Variants in TTC3 observed in about 807,000 individuals in gnomAD.
TTC3 encodes E3 ubiquitin-protein ligase TTC3.
A neutral mutation model predicts 249.6 loss-of-function variants in TTC3; 180 were observed. That is an observed-to-expected ratio of 0.72 (90% CI 0.64 to 0.82). The LOEUF (loss-of-function observed/expected upper bound fraction) is 0.82, where lower values mean the gene tolerates loss of function less well. TTC3 is among the 40% of genes least tolerant of loss of function. The pLI, the probability that TTC3 is intolerant of heterozygous loss-of-function variation, is 0.00. For missense variants in TTC3, 2,061 were observed against 2,398.4 expected, an observed-to-expected ratio of 0.86 and a Z score of 2.94; for synonymous variants, 717 against 805.0, an observed-to-expected ratio of 0.89 and a Z score of 1.85.
In TTC3 at chr21:37,164,137, A is replaced by C. The variant is rs747332826; in HGVS notation, c.3257A>C (p.Gln1086Pro). Residue 1086 changes from glutamine (Q) to proline (P), a missense_variant, in exon 32 of 46, where the codon CAA (glutamine) becomes CCA (proline). Coordinates refer to ENST00000355666, the Ensembl canonical transcript of TTC3. Reference sequence around the variant, plus strand: ...GAAGAATTCGAAGCTCTCTATGACCAACACAGTAACGAATATGTTGTCCGC... The same window carrying C: ...GAAGAATTCGAAGCTCTCTATGACCCACACAGTAACGAATATGTTGTCCGC... The C allele has an allele frequency of 3.7e-5, 59 of 1,613,758 alleles. No homozygotes were observed. The highest frequency in any genetic ancestry group is 4.4e-5 in the Non-Finnish European group (52 of 1,179,968).
exon 46 of TTC3, chr21:37,202,035 C>G (rs1183027153): frequency 6.6e-6 from 1 of 152,496 alleles, no homozygotes; most frequent in Non-Finnish European, 1.5e-5. Context: ...CCTGATATGC[C>G]TATATTTTTC....
intron 37 of TTC3, 135 bp downstream of exon 37, chr21:37,185,909 T>A (rs1403631745): frequency 1.3e-5 from 5 of 383,028 alleles, no homozygotes; most frequent in African/African-American, 2.1e-5. Context: ...TCTTTATTTC[T>A]ATTTCTGTTG....
rs987116063 is a variant in TTC3, at chr21:37,160,813, C to G, written c.3051C>G (p.Thr1017=). The change falls in exon 30 of 46, where the codon ACC becomes ACG. Residue 1017 remains threonine, a synonymous_variant. Transcript: ENST00000355666. ...CCCCCATTTTTTAGTTTAGTTCAAC[C>G]AAGGTGAAAAACAAAAGCAAGAAAA... 9 of 1,612,056 alleles carry G rather than the reference C, an allele frequency of 5.6e-6. No individual in the cohort carries two copies. In the Admixed American group the frequency reaches 1.5e-4, roughly 27 times the overall value.
chr21:37,156,505 C>T (rs1358827788), intron 27 of TTC3, 150 bp from the exon 28 acceptor site: 1 of 921,364 alleles, frequency 1.1e-6, no homozygotes, highest in Admixed American at 3.0e-5. Flanking sequence ...TGCCCAATAG[C>T]TTGAACGAAT....
At chr21:37,167,530 A>T (rs1472869923) in intron 33 of TTC3, 25 bp from the exon 34 acceptor site, 2 of 1,419,724 alleles carry the variant, frequency 1.4e-6, no homozygotes. Context: ...GATAAAGTGA[A>T]TTTTATTTTT....
In TTC3 at chr21:37,152,968, C is replaced by G. The variant is rs145296151; in HGVS notation, c.2431C>G (p.Gln811Glu). 410 of 1,599,508 alleles carry G rather than the reference C, an allele frequency of 2.6e-4. No individual in the cohort carries two copies. Among genetic ancestry groups the G allele is most frequent in the Non-Finnish European group, 3.4e-4 (401 of 1,171,740 alleles). Residue 811 changes from glutamine to glutamate, a missense_variant, in exon 27 of 46, where the codon CAG (glutamine) becomes GAG (glutamate). Coordinates refer to ENST00000355666, the Ensembl canonical transcript of TTC3. Reference sequence around the variant, plus strand: ...ATCCTTAGAAACTGTAGACAATGTTCAGCGTTGTCAGTTCCTTGATGACAG... The same window carrying G: ...ATCCTTAGAAACTGTAGACAATGTTGAGCGTTGTCAGTTCCTTGATGACAG...
intron 10 of TTC3, among the ~76,000 whole-genome samples, chr21:37,099,877 C>T (rs2074306575): frequency 6.6e-6 from 1 of 152,252 alleles, no homozygotes; most frequent in South Asian, 2.1e-4. Flanking sequence ...ATGAAAACGA[C>T]CTAAATGGCC....
chr21:37,171,879 A>G (rs150172357), intron 34 of TTC3, among the ~76,000 whole-genome samples: 7 of 152,324 alleles, frequency 4.6e-5, no homozygotes, highest in Admixed American at 3.9e-4. Context: ...AGGAAATGTC[A>G]GAGCTGGACC....
intron 44 of TTC3, 69 bp downstream of exon 44, chr21:37,198,094 T>G: frequency 1.3e-6 from 2 of 1,488,092 alleles, no homozygotes; most frequent in Non-Finnish European, 1.8e-6. Context: ...TAATCCATGA[T>G]TTAGCCCCAT....
chr21:37,091,094 A>G (rs2073204987), intron 6 of TTC3, among the ~76,000 whole-genome samples, 199 bp from the exon 7 acceptor site: 1 of 152,198 alleles, frequency 6.6e-6, no homozygotes, highest in African/African-American at 2.4e-5. Context: ...GAGGTAACAT[A>G]TATGAGTCCA....
chr21:37,089,321 T>G (rs747198375), intron 5 of TTC3, among the ~76,000 whole-genome samples: 1 of 152,134 alleles, frequency 6.6e-6, no homozygotes, highest in Admixed American at 6.5e-5. Context: ...GTTGAGAGTT[T>G]TTGTGGTTTT....
intron 29 of TTC3, among the ~76,000 whole-genome samples, chr21:37,160,112 T>G (rs1181069095): frequency 2.0e-5 from 3 of 152,212 alleles, no homozygotes; most frequent in Non-Finnish European, 4.4e-5. Flanking sequence ...AAAGGGACTT[T>G]GTTTTGAGTG....
Position 37,121,800 on chromosome 21 carries a change from T to G in TTC3, c.901-17T>G. On this transcript the variant is annotated splice_polypyrimidine_tract_variant and intron_variant, in intron 11 of 45. Transcript: ENST00000355666. ...GCATATTTTTGAGAAAAAATTAAAT[T>G]TATCTTTTTGGAACAGGGTCATTAT... is the stretch of plus-strand genomic sequence containing the variant. 1 of 1,533,314 alleles carries G rather than the reference T, an allele frequency of 6.5e-7. No individual in the cohort carries two copies. Among genetic ancestry groups the G allele is most frequent in the Non-Finnish European group, 8.7e-7 (1 of 1,145,154 alleles). The allele number at this position is 1,533,314 out of a possible 1,614,324, so 95.0% of individuals were successfully genotyped here.
At chr21:37,085,913 C>T (rs1033363276) in intron 1 of TTC3, 2 of 152,332 alleles carry the variant, frequency 1.3e-5, no homozygotes, top group Admixed American at 6.5e-5. Context: ...CAACTAAAGA[C>T]TGGATTTGAA....
intron 21 of TTC3, among the ~76,000 whole-genome samples, chr21:37,146,512 C>G (rs1490799090): frequency 6.6e-6 from 1 of 151,250 alleles, no homozygotes; most frequent in Non-Finnish European, 1.5e-5. Flanking sequence ...GAGTGAGACG[C>G]TGTCTCAAAA....
At chr21:37,198,279 CGTG>C (rs1340528822) in intron 44 of TTC3, among the ~76,000 whole-genome samples, 3 of 152,170 alleles carry the variant, frequency 2.0e-5, no homozygotes, top group Admixed American at 6.5e-5. Context: ...CTCTGACCAT[CGTG>C]GGGGATCTGA....
intron 15 of TTC3, among the ~76,000 whole-genome samples, chr21:37,128,507 G>A (rs1022644433): frequency 2.0e-5 from 3 of 152,050 alleles, no homozygotes; most frequent in African/African-American, 2.4e-5. Flanking sequence ...TATCCAAATC[G>A]TACTTCTTCC....
In TTC3 at chr21:37,091,426, G is replaced by A. The variant is rs750416512; in HGVS notation, c.601+13G>A. On this transcript the variant is annotated intron_variant, in intron 7 of 45. Transcript: ENST00000355666. ...TTCTTTACTGAATGTAAGTATAAAT[G>A]CTTTAAATTGTTACTTGACTCAGTT... 6.3e-7 allele frequency: 1 copy of A among 1,589,820 alleles called. No homozygotes were observed. Among genetic ancestry groups the A allele is most frequent in the Non-Finnish European group, 8.5e-7 (1 of 1,169,794 alleles).
At chr21:37,180,760 TAA>T (rs35337236) in intron 35 of TTC3, among the ~76,000 whole-genome samples, 3 of 144,956 alleles carry the variant, frequency 2.1e-5, no homozygotes, top group Admixed American at 6.9e-5. Flanking sequence ...TAAAGTATAA[TAA>T]AAAAAAATGG....
Sources: gnomAD v4.1 joint callset for allele counts (sites outside exome capture counted in the v4.1 genomes callset) on GRCh38, gnomAD v4.1.1 for gene constraint, MANE v1.5 for transcripts, NCBI Gene and HGNC (gene_info 2026-07-23, HGNC 2026-07-21) for gene names.